The following PPARGC1A variants were observed in gnomAD, a reference collection of about 807,000 sequenced individuals.
PPARGC1A encodes peroxisome proliferator-activated receptor gamma coactivator 1-alpha.
PPARGC1A carries 25 observed loss-of-function variants against 88.7 expected under a neutral mutation model. The observed-to-expected ratio is 0.28, with a 90% CI of 0.21 to 0.39. PPARGC1A has a LOEUF of 0.39. PPARGC1A is among the 10% of genes least tolerant of loss of function. The probability of loss-of-function intolerance (pLI) is 1.00; values close to 1 mark genes in which losing one functional copy is unlikely to be tolerated. For missense variants in PPARGC1A, 880 were observed against 968.7 expected (o/e 0.91, Z 1.22); for synonymous variants, 363 against 355.6 (o/e 1.02, Z -0.24).
At chr4:24,446,754 G>A in the PPARGC1A span, among the ~76,000 whole-genome samples, 2 of 151,872 alleles carry the variant, frequency 1.3e-5, no homozygotes, top group South Asian at 2.1e-4. Context: ...CTGCTACCAC[G>A]CCTGGCTAAT....
the PPARGC1A span, among the ~76,000 whole-genome samples, chr4:23,980,132 G>T: frequency 7.7e-6 from 1 of 130,540 alleles, no homozygotes; most frequent in African/African-American, 2.9e-5. Context: ...TTTCTGTTTT[G>T]ATTAATTTAG....
At chr4:24,331,500 A>G in the PPARGC1A span, among the ~76,000 whole-genome samples, 11 of 152,222 alleles carry the variant, frequency 7.2e-5, no homozygotes, top group African/African-American at 2.4e-4. Context: ...AGGACAGAAC[A>G]TGCCCATCTT....
At chr4:24,201,267 A>C in the PPARGC1A span, among the ~76,000 whole-genome samples, 2 of 152,260 alleles carry the variant, frequency 1.3e-5, no homozygotes, top group Admixed American at 1.3e-4. Context: ...GGTCTAAAAA[A>C]GTAACTGCAG....
At chr4:24,370,347 A>T in the PPARGC1A span, among the ~76,000 whole-genome samples, 1 of 152,224 alleles carries the variant, frequency 6.6e-6, no homozygotes, top group Non-Finnish European at 1.5e-5. Context: ...CTAATGGATG[A>T]ATAATAGGTA....
chr4:24,413,004 G>C, the PPARGC1A span, among the ~76,000 whole-genome samples: 1 of 152,202 alleles, frequency 6.6e-6, no homozygotes, highest in Non-Finnish European at 1.5e-5. Flanking sequence ...CCTAGGCTTC[G>C]TAATGGTTTT....
At chr4:24,133,507 C>G in the PPARGC1A span, among the ~76,000 whole-genome samples, 1 of 152,178 alleles carries the variant, frequency 6.6e-6, no homozygotes, top group African/African-American at 2.4e-5. Context: ...GCTCCTCAAG[C>G]AGATTTTGTT....
chr4:24,424,720 T>C, the PPARGC1A span, among the ~76,000 whole-genome samples: 1 of 152,200 alleles, frequency 6.6e-6, no homozygotes. Context: ...AAAAGCATAA[T>C]TTGAGCATCA....
the PPARGC1A span, among the ~76,000 whole-genome samples, chr4:24,458,921 A>G: frequency 6.6e-6 from 1 of 152,204 alleles, no homozygotes; most frequent in Non-Finnish European, 1.5e-5. Flanking sequence ...ATACACCTAG[A>G]AAGAAGACGG....
At chr4:24,358,578 A>C in the PPARGC1A span, among the ~76,000 whole-genome samples, 1 of 152,248 alleles carries the variant, frequency 6.6e-6, no homozygotes, top group Non-Finnish European at 1.5e-5. Context: ...TTGCCTTCCA[A>C]AATCCAAAAC....
At chr4:23,926,128 T>G in the PPARGC1A span, among the ~76,000 whole-genome samples, 2 of 152,198 alleles carry the variant, frequency 1.3e-5, no homozygotes, top group Non-Finnish European at 2.9e-5. Context: ...CTTCTCAGTC[T>G]TCCTTGGCTC....
the PPARGC1A span, among the ~76,000 whole-genome samples, chr4:24,387,653 C>T: frequency 6.6e-6 from 1 of 151,434 alleles, no homozygotes; most frequent in Non-Finnish European, 1.5e-5. Flanking sequence ...AGGAGAATTG[C>T]TTGAACCCAG....
chr4:24,322,172 C>T, the PPARGC1A span, among the ~76,000 whole-genome samples: 1 of 152,204 alleles, frequency 6.6e-6, no homozygotes, highest in Non-Finnish European at 1.5e-5. Flanking sequence ...TGATTATAGC[C>T]TCCGCTTATT....
chr4:24,272,821 T>G, the PPARGC1A span, among the ~76,000 whole-genome samples: 2 of 152,326 alleles, frequency 1.3e-5, no homozygotes, highest in African/African-American at 4.8e-5. Flanking sequence ...AAGCAAAGAC[T>G]CTTCATTAAA....
At chr4:23,990,037 TA>T in the PPARGC1A span, among the ~76,000 whole-genome samples, 49 of 147,082 alleles carry the variant, frequency 3.3e-4, no homozygotes, top group East Asian at 8.0e-3. Flanking sequence ...TATATCTATA[TA>T]TCCCTAGAAA....
the PPARGC1A span, among the ~76,000 whole-genome samples, chr4:24,291,498 G>A: frequency 6.6e-6 from 1 of 152,154 alleles, no homozygotes; most frequent in Non-Finnish European, 1.5e-5. Flanking sequence ...GCACTGAGTA[G>A]CACACACAGT....
the PPARGC1A span, among the ~76,000 whole-genome samples, chr4:24,101,627 T>C: frequency 6.6e-6 from 1 of 152,122 alleles, no homozygotes; most frequent in African/African-American, 2.4e-5. Context: ...TTAAGAAAAA[T>C]GTAAATTTAT....
At chr4:23,878,951 T>C (rs752965969) in intron 2 of PPARGC1A, among the ~76,000 whole-genome samples, 5 of 152,234 alleles carry the variant, frequency 3.3e-5, no homozygotes, top group Admixed American at 6.5e-5. Context: ...TCCACTTAAA[T>C]GGCTATTATT....
the PPARGC1A span, among the ~76,000 whole-genome samples, chr4:23,999,104 A>G: frequency 6.6e-6 from 1 of 152,226 alleles, no homozygotes; most frequent in Non-Finnish European, 1.5e-5. Flanking sequence ...CAAAGAAAAC[A>G]GCATATGTAG....
chr4:24,234,312 TAA>T, the PPARGC1A span, among the ~76,000 whole-genome samples: 1 of 152,216 alleles, frequency 6.6e-6, no homozygotes, highest in Admixed American at 6.5e-5. Flanking sequence ...GGAAATATTT[TAA>T]AAGTCCTTAG....
Sources: gnomAD v4.1 joint callset for allele counts (sites outside exome capture counted in the v4.1 genomes callset) on GRCh38, gnomAD v4.1.1 for gene constraint, MANE v1.5 for transcripts, NCBI Gene and HGNC (gene_info 2026-07-23, HGNC 2026-07-21) for gene names.